The following NTNG1 variants were observed in gnomAD, a reference collection of about 807,000 sequenced individuals.
NTNG1 encodes the protein netrin-G1.
Under a neutral mutation model 54.0 loss-of-function variants are expected in NTNG1, and 16 were observed. The observed-to-expected ratio is 0.30, with a 90% CI of 0.20 to 0.45. The LOEUF (loss-of-function observed/expected upper bound fraction) is 0.45, where lower values mean the gene tolerates loss of function less well. Ranked by LOEUF, NTNG1 falls within the 20% of genes least tolerant of loss-of-function variation. NTNG1 has a pLI of 1.00. For synonymous variants in NTNG1, 255 were observed against 263.1 expected (o/e 0.97, Z 0.30); for missense variants, 530 against 678.7 (o/e 0.78, Z 2.43).
At chr1:107,290,756 C>A (rs1665528419) in intron 2 of NTNG1, among the ~76,000 whole-genome samples, 1 of 151,552 alleles carries the variant, frequency 6.6e-6, no homozygotes, top group African/African-American at 2.4e-5. Flanking sequence ...AGTAAGATTT[C>A]TTGTTAAATG....
At chr1:107,189,917 A>G (rs1240598536) in intron 2 of NTNG1, among the ~76,000 whole-genome samples, 3 of 152,134 alleles carry the variant, frequency 2.0e-5, no homozygotes, top group African/African-American at 2.4e-5. Flanking sequence ...GGAATAGCCC[A>G]AATATCCATT....
intron 5 of NTNG1, chr1:107,418,489 G>C: frequency 1.3e-6 from 1 of 773,780 alleles, no homozygotes; most frequent in Non-Finnish European, 2.1e-6. Context: ...GCAGATGTGT[G>C]GTTTGTGTCT....
At chr1:107,462,203 TTC>T (rs1677321657) in intron 7 of NTNG1, among the ~76,000 whole-genome samples, 1 of 152,228 alleles carries the variant, frequency 6.6e-6, no homozygotes, top group Non-Finnish European at 1.5e-5. Context: ...TCCTACCAGT[TTC>T]TGTTTCGTGG....
intron 4 of NTNG1, 40 bp downstream of exon 4, chr1:107,395,366 A>G (rs1230947873): frequency 1.3e-6 from 2 of 1,537,252 alleles, no homozygotes; most frequent in Non-Finnish European, 9.0e-7. Flanking sequence ...TCTGTGCACC[A>G]TGAGGTGATA....
chr1:107,285,849 G>A (rs74108697), intron 2 of NTNG1, among the ~76,000 whole-genome samples: 2,257 of 152,126 alleles, frequency 0.015, 57 homozygotes, highest in African/African-American at 0.051. Context: ...GTTGCAGGAG[G>A]GGGAAAAGAG....
chr1:107,175,603 GTGTTT>G (rs1656586503), intron 2 of NTNG1, among the ~76,000 whole-genome samples: 1 of 150,480 alleles, frequency 6.6e-6, no homozygotes, highest in African/African-American at 2.5e-5. Flanking sequence ...TGCTTTCTGT[GTGTTT>G]TGTTTTTTTT....
At chr1:107,354,468 CAAAAAAAA>C (rs398049560) in intron 3 of NTNG1, among the ~76,000 whole-genome samples, 1 of 66,126 alleles carries the variant, frequency 1.5e-5, no homozygotes, top group African/African-American at 6.5e-5. Flanking sequence ...GACTCCATCT[CAAAAAAAA>C]AAAAAAAAAA....
chr1:107,456,836 AC>A (rs1336051163), intron 7 of NTNG1, among the ~76,000 whole-genome samples: 1 of 152,190 alleles, frequency 6.6e-6, no homozygotes, highest in East Asian at 1.9e-4. Flanking sequence ...GACCATTATT[AC>A]CAGATACTCT....
intron 2 of NTNG1, among the ~76,000 whole-genome samples, chr1:107,245,900 A>G (rs1427114223): frequency 1.3e-5 from 2 of 152,228 alleles, no homozygotes; most frequent in African/African-American, 2.4e-5. Context: ...AAAGCCAGAA[A>G]CATACTAGGT....
chr1:107,207,062 G>A (rs1659249323), intron 2 of NTNG1, among the ~76,000 whole-genome samples: 1 of 152,106 alleles, frequency 6.6e-6, no homozygotes, highest in Non-Finnish European at 1.5e-5. Context: ...TTTTTCAAAA[G>A]TGGTGTGAAG....
chr1:107,194,985 C>T (rs915174145), intron 2 of NTNG1, among the ~76,000 whole-genome samples: 1 of 151,902 alleles, frequency 6.6e-6, no homozygotes, highest in Non-Finnish European at 1.5e-5. Flanking sequence ...GAGGCATAAC[C>T]CTTCTAGAAG....
At chr1:107,347,922 C>T (rs542382378) in intron 3 of NTNG1, among the ~76,000 whole-genome samples, 1 of 152,118 alleles carries the variant, frequency 6.6e-6, no homozygotes, top group African/African-American at 2.4e-5. Context: ...CCCCATGATC[C>T]AATTACTTCC....
intron 7 of NTNG1, among the ~76,000 whole-genome samples, chr1:107,440,836 A>C (rs922760712): frequency 3.3e-5 from 5 of 152,120 alleles, no homozygotes; most frequent in Non-Finnish European, 7.3e-5. Flanking sequence ...GAGGCCACCA[A>C]TTATGTACTG....
intron 7 of NTNG1, among the ~76,000 whole-genome samples, chr1:107,461,523 CTTTTTTTCTTTTTTTTTTCTTT>C (rs375416902): frequency 1.3e-5 from 2 of 150,476 alleles, no homozygotes; most frequent in Admixed American, 6.6e-5. Flanking sequence ...TATGGATTCT[CTTTTTTTCTTTTTTTTTTCTTT>C]TTTTTTTCTT....
chr1:107,192,656 T>C (rs1658049130), intron 2 of NTNG1, among the ~76,000 whole-genome samples: 1 of 152,100 alleles, frequency 6.6e-6, no homozygotes, highest in Non-Finnish European at 1.5e-5. Context: ...CTTGATTTTT[T>C]GTATTTCCAA....
At chr1:107,334,624 A>C (rs1022711004) in intron 3 of NTNG1, among the ~76,000 whole-genome samples, 12 of 151,920 alleles carry the variant, frequency 7.9e-5, no homozygotes, top group South Asian at 6.2e-4. Flanking sequence ...GAAAAAAAAA[A>C]CATAAAAATA....
chr1:107,181,689 T>C (rs1026070410), intron 2 of NTNG1, among the ~76,000 whole-genome samples: 3 of 152,164 alleles, frequency 2.0e-5, no homozygotes, highest in Admixed American at 2.0e-4. Context: ...CCTCCCTTGC[T>C]GTACTGCGCT....
intron 3 of NTNG1, among the ~76,000 whole-genome samples, chr1:107,387,919 G>C (rs902661149): frequency 1.1e-4 from 17 of 152,126 alleles, no homozygotes; most frequent in African/African-American, 4.1e-4. Flanking sequence ...CCCTCTGATT[G>C]TTCAGTGCAA....
At chr1:107,388,208 T>C (rs1373467513) in intron 3 of NTNG1, among the ~76,000 whole-genome samples, 1 of 152,188 alleles carries the variant, frequency 6.6e-6, no homozygotes, top group Non-Finnish European at 1.5e-5. Flanking sequence ...GTAGTAGAGA[T>C]AGTAACTATA....
Sources: allele counts gnomAD v4.1 joint callset (sites outside exome capture counted in the v4.1 genomes callset), GRCh38; gene constraint gnomAD v4.1.1; transcripts MANE v1.5; gene names NCBI Gene and HGNC (gene_info 2026-07-23, HGNC 2026-07-21).